Variants in NCOA1 observed in about 807,000 individuals in gnomAD.
The protein encoded by NCOA1 is Hin-2 protein.
NCOA1 carries 35 observed loss-of-function variants against 150.9 expected under a neutral mutation model. The observed-to-expected ratio is 0.23, with a 90% CI of 0.18 to 0.31. The LOEUF is 0.31. NCOA1 is among the 10% of genes least tolerant of loss of function. The pLI is 1.00. For missense variants in NCOA1, 1,491 were observed against 1,749.3 expected (o/e 0.85, Z 2.63); for synonymous variants, 590 against 630.0 (o/e 0.94, Z 0.95).
chr2:24,761,884 T>G (rs1003060024), intron 21 of NCOA1, among the ~76,000 whole-genome samples: 3 of 152,234 alleles, frequency 2.0e-5, no homozygotes, highest in Non-Finnish European at 4.4e-5. Flanking sequence ...TTTTCCACTC[T>G]GGGGGGTGAA....
chr2:24,751,892 A>G, intron 19 of NCOA1, 90 bp from the exon 20 acceptor site: 2 of 1,188,584 alleles, frequency 1.7e-6, no homozygotes, highest in Non-Finnish European at 2.3e-6. Context: ...ATTTGTAAAT[A>G]TATTGTGACA....
chr2:24,741,544 G>A (rs1663600187), intron 18 of NCOA1, among the ~76,000 whole-genome samples: 1 of 152,110 alleles, frequency 6.6e-6, no homozygotes, highest in Non-Finnish European at 1.5e-5. Flanking sequence ...ATTTATAATG[G>A]TCAGATATTG....
intron 14 of NCOA1, among the ~76,000 whole-genome samples, chr2:24,725,861 T>C (rs1272562129): frequency 6.6e-6 from 1 of 152,072 alleles, no homozygotes; most frequent in Non-Finnish European, 1.5e-5. Flanking sequence ...AACAGCACAT[T>C]GTCAATATCT....
At chr2:24,557,012 T>C (rs988188723) in intron 1 of NCOA1, among the ~76,000 whole-genome samples, 1 of 149,642 alleles carries the variant, frequency 6.7e-6, no homozygotes, top group Non-Finnish European at 1.5e-5. Context: ...GTTGTTGGGT[T>C]GGGGGGGGTG....
At chr2:24,572,503 T>C (rs1234315316) in intron 2 of NCOA1, among the ~76,000 whole-genome samples, 1 of 152,216 alleles carries the variant, frequency 6.6e-6, no homozygotes, top group African/African-American at 2.4e-5. Context: ...AGGAGGCACA[T>C]AGCCTCTAGT....
Position 24,621,432 on chromosome 2 carries a change from A to ATTTTTTTT in NCOA1, c.-174-22508_-174-22501dup, listed in dbSNP as rs1162282258. Among the ~76,000 whole-genome samples, 99 of 38,890 alleles carry ATTTTTTTT rather than the reference A, an allele frequency of 2.5e-3. 17 individuals carry two copies. The highest frequency in any genetic ancestry group is 2.7e-3 in the Non-Finnish European group (64 of 23,490). The allele number at this position is 38,890 out of a possible 152,430, so 25.5% of individuals were successfully genotyped here. A position where few individuals can be genotyped will look rare whatever the true frequency, so the allele number is the denominator to read the frequency against. On this transcript the variant is annotated intron_variant, in intron 3 of 22. Transcript: ENST00000348332. ...TTGTGTTATGTGTGTATTCAGGCAGATTTTTTTTTTTTTTTTTTTTTTTTT... is the reference window on the plus strand; with the variant it reads ...TTGTGTTATGTGTGTATTCAGGCAGATTTTTTTTTTTTTTTTTTTTTTTTTTTTTTTTT...
chr2:24,661,061 CAA>C (rs201082427), intron 5 of NCOA1, among the ~76,000 whole-genome samples: 66 of 126,710 alleles, frequency 5.2e-4, no homozygotes, highest in African/African-American at 1.9e-3. Flanking sequence ...AACTCCGGCT[CAA>C]AAAAAAAAAA....
At chr2:24,527,901 A>G (rs1171331596) in intron 1 of NCOA1, among the ~76,000 whole-genome samples, 1 of 152,080 alleles carries the variant, frequency 6.6e-6, no homozygotes, top group Non-Finnish European at 1.5e-5. Context: ...TTTGATTTGC[A>G]TTTCCCTTGT....
At chr2:24,723,986 C>A (rs753192493) in intron 14 of NCOA1, among the ~76,000 whole-genome samples, 6 of 152,126 alleles carry the variant, frequency 3.9e-5, no homozygotes, top group African/African-American at 7.2e-5. Context: ...ATGCTTTCTA[C>A]TTGGTGTACA....
intron 7 of NCOA1, among the ~76,000 whole-genome samples, chr2:24,674,226 G>A (rs1241952693): frequency 7.1e-6 from 1 of 140,856 alleles, no homozygotes; most frequent in Admixed American, 7.3e-5. Flanking sequence ...TTTTTTTTGA[G>A]ACGGAGTCTC....
intron 7 of NCOA1, chr2:24,676,206 C>A: frequency 6.5e-6 from 1 of 154,574 alleles, no homozygotes. Context: ...TTGTACTATC[C>A]GTCCCAGATT....
intron 1 of NCOA1, among the ~76,000 whole-genome samples, chr2:24,551,833 CTTTTGTTTTTGT>C (rs577208668): frequency 7.2e-5 from 11 of 152,120 alleles, no homozygotes; most frequent in African/African-American, 2.4e-4. Context: ...TGGGTTGAGG[CTTTTGTTTTTGT>C]TTTTGTTTTT....
At chr2:24,679,191 G>T (rs1403617849) in intron 7 of NCOA1, among the ~76,000 whole-genome samples, 1 of 152,186 alleles carries the variant, frequency 6.6e-6, no homozygotes, top group Admixed American at 6.5e-5. Context: ...ATTGATTACT[G>T]AATGCATAGG....
intron 1 of NCOA1, among the ~76,000 whole-genome samples, chr2:24,527,112 A>G (rs886755216): frequency 2.0e-5 from 3 of 152,202 alleles, no homozygotes; most frequent in Non-Finnish European, 4.4e-5. Flanking sequence ...AATAGTTACT[A>G]TAGTAAGACA....
intron 3 of NCOA1, among the ~76,000 whole-genome samples, chr2:24,613,499 G>A (rs1668732158): frequency 1.3e-5 from 2 of 152,212 alleles, no homozygotes; most frequent in African/African-American, 4.8e-5. Context: ...AGCACCCAGA[G>A]GTGGTCCTAG....
At chr2:24,602,777 A>C (rs899062727) in intron 3 of NCOA1, among the ~76,000 whole-genome samples, 1 of 152,220 alleles carries the variant, frequency 6.6e-6, no homozygotes, top group Non-Finnish European at 1.5e-5. Flanking sequence ...TTAGTATGTT[A>C]ATGTGAACTA....
intron 10 of NCOA1, among the ~76,000 whole-genome samples, chr2:24,693,566 T>C (rs927798911): frequency 6.6e-6 from 1 of 152,194 alleles, no homozygotes; most frequent in Non-Finnish European, 1.5e-5. Flanking sequence ...TTTATAACTT[T>C]ATATACCTAT....
At chr2:24,673,056 C>A (rs1671754428) in intron 6 of NCOA1, among the ~76,000 whole-genome samples, 1 of 152,180 alleles carries the variant, frequency 6.6e-6, no homozygotes, top group South Asian at 2.1e-4. Flanking sequence ...CTCAAAACTT[C>A]TGGTATGGAC....
intron 19 of NCOA1, among the ~76,000 whole-genome samples, chr2:24,747,870 G>A (rs1209634534): frequency 6.6e-6 from 1 of 152,156 alleles, no homozygotes; most frequent in African/African-American, 2.4e-5. Context: ...ACTTTGGGAG[G>A]CCAAGGCAAG....
Sources: allele counts gnomAD v4.1 joint callset (sites outside exome capture counted in the v4.1 genomes callset), GRCh38; gene constraint gnomAD v4.1.1; transcripts MANE v1.5; gene names NCBI Gene and HGNC (gene_info 2026-07-23, HGNC 2026-07-21).